Variants in GRID1 observed in about 807,000 individuals in gnomAD.
GRID1 encodes the protein glutamate ionotropic receptor delta type subunit 1.
In GRID1, 28 loss-of-function variants were observed where a neutral mutation model predicts 98.0. The observed-to-expected ratio is 0.29, with a 90% CI of 0.21 to 0.39. The LOEUF (loss-of-function observed/expected upper bound fraction) is 0.39. Among genes scored for constraint, GRID1 ranks in the 10% least tolerant of loss-of-function variants. The probability of loss-of-function intolerance (pLI) is 1.00; values close to 1 mark genes in which losing one functional copy is unlikely to be tolerated. For synonymous variants in GRID1, 553 were observed against 538.5 expected, an observed-to-expected ratio of 1.03 and a Z score of -0.37; for missense variants, 1,111 against 1,340.5, an observed-to-expected ratio of 0.83 and a Z score of 2.67.
rs141067773 is a variant in GRID1 at position 85,817,892 on chromosome 10, G to GA, written c.1233+36603dup. Among the ~76,000 whole-genome samples, 781 of 147,222 alleles carry GA rather than the reference G, an allele frequency of 5.3e-3. 9 individuals carry two copies. The highest frequency in any genetic ancestry group is 0.018 in the African/African-American group (730 of 40,200). ...AGTGACAAAACAAGACTCCGTCTCA[G>GA]AAAAAAAAAAGAATTTCATTGTAGC... On this transcript the variant is annotated intron_variant, in intron 8 of 15. Coordinates refer to ENST00000327946, the MANE Select transcript of GRID1 (RefSeq NM_017551.3).
chr10:85,714,427 A>G (rs1467200941), intron 12 of GRID1, among the ~76,000 whole-genome samples: 1 of 152,046 alleles, frequency 6.6e-6, no homozygotes, highest in Non-Finnish European at 1.5e-5. Context: ...AAAAGAAATA[A>G]AAGACATTCA....
chr10:86,276,329 G>A (rs1411483352), intron 2 of GRID1, among the ~76,000 whole-genome samples: 1 of 152,050 alleles, frequency 6.6e-6, no homozygotes, highest in Non-Finnish European at 1.5e-5. Context: ...ATTCTATAGG[G>A]ATGCAAGTCA....
intron 15 of GRID1, among the ~76,000 whole-genome samples, chr10:85,610,265 G>C (rs1842717767): frequency 6.6e-6 from 1 of 152,162 alleles, no homozygotes; most frequent in Non-Finnish European, 1.5e-5. Context: ...GCTTCTAAAA[G>C]ACTGTCGTTT....
chr10:85,803,766 A>C (rs954083378), intron 8 of GRID1, among the ~76,000 whole-genome samples: 3 of 152,086 alleles, frequency 2.0e-5, no homozygotes, highest in African/African-American at 4.8e-5. Flanking sequence ...TGATACAAGC[A>C]TCAATACATA....
At chr10:86,180,168 G>T (rs1379509682) in intron 3 of GRID1, among the ~76,000 whole-genome samples, 2 of 152,202 alleles carry the variant, frequency 1.3e-5, no homozygotes, top group African/African-American at 4.8e-5. Context: ...CAGCTAGCTT[G>T]TGAGCAGAAG....
At chr10:86,045,037 G>A (rs182940279) in intron 4 of GRID1, among the ~76,000 whole-genome samples, 63 of 152,326 alleles carry the variant, frequency 4.1e-4, no homozygotes, top group African/African-American at 1.5e-3. Context: ...ACAAATCCTT[G>A]CTCCGGCGCA....
chr10:86,109,006 C>G (rs1301439831), intron 4 of GRID1, among the ~76,000 whole-genome samples: 1 of 152,226 alleles, frequency 6.6e-6, no homozygotes, highest in African/African-American at 2.4e-5. Context: ...GCAGCCCAGC[C>G]TGCACACCTC....
At position 86,206,588 on chromosome 10, in the gene GRID1, G is replaced by T; in HGVS notation, c.296C>A (p.Ala99Asp). 6.2e-7 allele frequency: 1 copy of T among 1,614,158 alleles called. No homozygotes were observed. Among genetic ancestry groups the T allele is most frequent in the Non-Finnish European group, 8.5e-7 (1 of 1,180,004 alleles). The part of the protein sequence containing the change: ...ALVTSTGCAS[A>D]NALQSLTDAM... ...ATCCGTGAGGGACTGCAGGGCATTGGCAGATGCACAGCCAGTGGACGTGAC... is the reference window on the plus strand; with the variant it reads ...ATCCGTGAGGGACTGCAGGGCATTGTCAGATGCACAGCCAGTGGACGTGAC... The change falls in exon 3 of 16, where the codon GCC (alanine) becomes GAC (aspartate). Residue 99 changes from alanine to aspartate, a missense_variant. By Grantham distance (126) the Ala-to-Asp change is moderately radical. Transcript: ENST00000327946. This position sits in a 1 kb window ranked among gnomAD's most constrained non-coding sequence, Gnocchi z 4.1.
chr10:85,613,024 G>A (rs1842750945), intron 15 of GRID1: 1 of 186,634 alleles, frequency 5.4e-6, no homozygotes, highest in African/African-American at 2.3e-5. Flanking sequence ...AGAAGTAAAA[G>A]AGAATCAGGA....
chr10:85,816,006 GATA>G (rs1842713096), intron 8 of GRID1, among the ~76,000 whole-genome samples: 1 of 151,878 alleles, frequency 6.6e-6, no homozygotes, highest in African/African-American at 2.4e-5. Flanking sequence ...TATATATTAT[GATA>G]ATAAATTGGC....
chr10:86,305,753 G>A (rs763719571), intron 2 of GRID1, among the ~76,000 whole-genome samples: 1 of 152,204 alleles, frequency 6.6e-6, no homozygotes, highest in Non-Finnish European at 1.5e-5. Context: ...CAGAGAGGAG[G>A]ATCACACAAT....
intron 4 of GRID1, among the ~76,000 whole-genome samples, chr10:85,994,374 C>A (rs938354857): frequency 1.3e-5 from 2 of 152,180 alleles, no homozygotes; most frequent in Non-Finnish European, 2.9e-5. Flanking sequence ...TGGCATCAGG[C>A]CAACTTGAGA....
chr10:85,729,887 T>G (rs926272705), intron 8 of GRID1, among the ~76,000 whole-genome samples: 1 of 152,200 alleles, frequency 6.6e-6, no homozygotes, highest in Non-Finnish European at 1.5e-5. Context: ...CTAGAACAAA[T>G]GTTTATGTCC....
At chr10:85,650,380 C>T (rs1425105278) in intron 12 of GRID1, 1 of 152,344 alleles carries the variant, frequency 6.6e-6, no homozygotes, top group South Asian at 2.1e-4. Context: ...CAGGTACCCC[C>T]ACCACAGAGA....
intron 2 of GRID1, among the ~76,000 whole-genome samples, chr10:86,353,063 G>A (rs1848483836): frequency 6.6e-6 from 1 of 152,212 alleles, no homozygotes; most frequent in Non-Finnish European, 1.5e-5. Flanking sequence ...TGCCCCAGGA[G>A]GGAAAGGAAA....
At chr10:86,087,323 A>C (rs7895643) in intron 4 of GRID1, among the ~76,000 whole-genome samples, 9,913 of 149,444 alleles carry the variant, frequency 0.066, 809 homozygotes, top group African/African-American at 0.2. Flanking sequence ...ATGAATGTAC[A>C]TGTGGGTTTG....
intron 12 of GRID1, among the ~76,000 whole-genome samples, chr10:85,677,658 A>G (rs1488610775): frequency 6.6e-6 from 1 of 152,234 alleles, no homozygotes; most frequent in Non-Finnish European, 1.5e-5. Context: ...TACTCTCAAT[A>G]CTTTTCTGGA....
At chr10:86,230,615 A>G (rs532598100) in intron 2 of GRID1, among the ~76,000 whole-genome samples, 30 of 152,294 alleles carry the variant, frequency 2.0e-4, no homozygotes, top group African/African-American at 7.2e-4. Context: ...TGTTCCCTGA[A>G]CACATGTCAC....
rs1034008264 is a variant in GRID1 at position 85,804,117 on chromosome 10, T to TTGA, written c.1233+50376_1233+50378dup. Among the ~76,000 whole-genome samples, 69 of 149,972 alleles carry TTGA rather than the reference T, an allele frequency of 4.6e-4. 1 individual carries two copies. Among genetic ancestry groups the TTGA allele is most frequent in the African/African-American group, 1.6e-3 (67 of 40,932 alleles). ...TCATTCTTGACAGTAACAATAAAAA[T>TTGA]TGATAAAACCCTATTTAGACTAGTT... On this transcript the variant is annotated intron_variant, in intron 8 of 15. Transcript: ENST00000327946.
Sources: allele counts gnomAD v4.1 joint callset (sites outside exome capture counted in the v4.1 genomes callset), GRCh38; gene constraint gnomAD v4.1.1; non-coding constraint Gnocchi (gnomAD v3.1); transcripts MANE v1.5; gene names NCBI Gene and HGNC (gene_info 2026-07-23, HGNC 2026-07-21).